CPA3: variants seen among roughly 807,000 people sequenced by gnomAD.
The protein encoded by CPA3 is carboxypeptidase A3.
In CPA3, 52 loss-of-function variants were observed where a neutral mutation model predicts 55.8. That is an observed-to-expected ratio of 0.93 (90% CI 0.75 to 1.17). The LOEUF (loss-of-function observed/expected upper bound fraction) is 1.17, where lower values mean the gene tolerates loss of function less well. Among genes scored for constraint, CPA3 ranks in the 50% most tolerant of loss-of-function variants. The pLI is 0.00. For missense variants in CPA3, 547 were observed against 509.1 expected (o/e 1.07, Z -0.72); for synonymous variants, 179 against 171.2 (o/e 1.05, Z -0.36).
At chr3:148,883,444 T>C (rs1204978480) in intron 8 of CPA3, among the ~76,000 whole-genome samples, 169 bp from the exon 9 acceptor site, 4 of 152,238 alleles carry the variant, frequency 2.6e-5, no homozygotes, top group Non-Finnish European at 1.5e-5. Flanking sequence ...GGCATGTGTG[T>C]GCAATGTTAA....
At chr3:148,879,748 A>C in intron 5 of CPA3, 40 bp from the exon 6 acceptor site, 1 of 1,324,512 alleles carries the variant, frequency 7.5e-7, no homozygotes, top group Non-Finnish European at 1.1e-6. Flanking sequence ...TCAATGTGTG[A>C]GTTTGTTCAA....
chr3:148,877,806 A>C (rs1206988130), intron 3 of CPA3, among the ~76,000 whole-genome samples: 1 of 152,180 alleles, frequency 6.6e-6, no homozygotes, highest in Non-Finnish European at 1.5e-5. Flanking sequence ...TATTATAATT[A>C]TCATTATTAT....
At chr3:148,878,328 G>T (rs1055254794) in intron 3 of CPA3, 113 bp from the exon 4 acceptor site, 2 of 791,308 alleles carry the variant, frequency 2.5e-6, no homozygotes, top group Admixed American at 1.9e-5. Context: ...AAGAAACAGA[G>T]CAAACTTGAT....
intron 2 of CPA3, 133 bp downstream of exon 2, chr3:148,865,681 A>G (rs1238340872): frequency 1.2e-6 from 1 of 805,234 alleles, no homozygotes; most frequent in Non-Finnish European, 1.9e-6. Flanking sequence ...TATCTGGATA[A>G]TTCAGCCAAT....
intron 9 of CPA3, among the ~76,000 whole-genome samples, chr3:148,884,143 G>A (rs1282318312): frequency 1.3e-5 from 2 of 152,032 alleles, no homozygotes; most frequent in African/African-American, 2.4e-5. Context: ...AACCATGCAC[G>A]GAAAAAGCCC....
chr3:148,881,590 T>C lies in CPA3; in HGVS notation c.645T>C (p.Leu215=), dbSNP rs1714369090. 1.2e-6 allele frequency: 2 copies of C among 1,613,022 alleles called. No individual in the cohort carries two copies. Among genetic ancestry groups the C allele is most frequent in the African/African-American group, 2.7e-5 (2 of 74,884 alleles). Residue 215 remains leucine, a synonymous_variant, in exon 7 of 11, where the codon CTT becomes CTC. Transcript: ENST00000296046. ...KLLDRMNFYI[L]PVFNVDGYIW... is the part of the protein sequence containing the mutation. ...TGGACCGAATGAATTTTTACATTCT[T>C]CCTGTGTTCAATGTTGATGGATATA...
chr3:148,896,753 C>A lies in CPA3; in HGVS notation c.*46C>A. The A allele has an allele frequency of 1.4e-6, 2 of 1,381,062 alleles. No individual in the cohort carries two copies. Among genetic ancestry groups the A allele is most frequent in the South Asian group, 1.9e-5 (1 of 52,574 alleles). 85.6% of individuals were successfully genotyped at this position (1,381,062 alleles called of 1,614,324 possible). A position where few individuals can be genotyped will look rare whatever the true frequency, so the allele number is the denominator to read the frequency against. On this transcript the variant is annotated 3_prime_UTR_variant, in exon 11 of 11. Transcript: ENST00000296046. ...ATAAGCCAATTAATCCTTTTTTGTG[C>A]CTTTCATCAGAAAGTCAATCTTCAG...
At chr3:148,870,948 G>T (rs1038227934) in intron 3 of CPA3, among the ~76,000 whole-genome samples, 3 of 152,126 alleles carry the variant, frequency 2.0e-5, no homozygotes, top group Non-Finnish European at 4.4e-5. Flanking sequence ...ACCCAGACTG[G>T]AGTGCAGTGG....
At chr3:148,891,884 T>A (rs1374240109) in intron 10 of CPA3, among the ~76,000 whole-genome samples, 1 of 152,218 alleles carries the variant, frequency 6.6e-6, no homozygotes, top group Non-Finnish European at 1.5e-5. Context: ...TCCTATTTAC[T>A]TTACCTCCTT....
chr3:148,868,974 C>A lies in CPA3; in HGVS notation c.204C>A (p.Phe68Leu), dbSNP rs760123667. The change falls in exon 3 of 11, where the codon TTC becomes TTA. Residue 68 changes from phenylalanine to leucine, a missense_variant. Coordinates refer to ENST00000296046, the MANE Select transcript of CPA3 (RefSeq NM_001870.4). ...TAGCTGCTAATATGATGGTGGATTT[C>A]CGAGTTAGTGAGAAGGAATCCCAAG... ...HHVAANMMVD[F>L]RVSEKESQAI... is the part of the protein sequence containing the mutation. 2 of 1,614,004 alleles carry A rather than the reference C, an allele frequency of 1.2e-6. No individual in the cohort carries two copies. Among genetic ancestry groups the A allele is most frequent in the Non-Finnish European group, 1.7e-6 (2 of 1,179,966 alleles).
At chr3:148,871,164 C>T (rs1714056399) in intron 3 of CPA3, among the ~76,000 whole-genome samples, 1 of 152,152 alleles carries the variant, frequency 6.6e-6, no homozygotes, top group South Asian at 2.1e-4. Flanking sequence ...AGCCACCGCA[C>T]CAGGCCTACT....
chr3:148,891,239 T>G (rs962200731), intron 10 of CPA3, among the ~76,000 whole-genome samples: 3 of 152,188 alleles, frequency 2.0e-5, no homozygotes, highest in Non-Finnish European at 4.4e-5. Context: ...AGCAAGTGAT[T>G]ATTACTGTAT....
At chr3:148,894,998 A>G (rs1714786261) in intron 10 of CPA3, among the ~76,000 whole-genome samples, 1 of 152,102 alleles carries the variant, frequency 6.6e-6, no homozygotes, top group African/African-American at 2.4e-5. Context: ...ATGAAATCCC[A>G]ATGTTTCTTA....
At position 148,883,919 on chromosome 3, in the gene CPA3, C is replaced by T. The variant is rs1320123244; in HGVS notation, c.981+104C>T. On this transcript the variant is annotated intron_variant, in intron 9 of 10. Transcript: ENST00000296046. ...TTGAAAGAATTTCACATTTTAATGTCAAAGAAAAGAACTAATGAAATTTGC... is the reference window on the plus strand; with the variant it reads ...TTGAAAGAATTTCACATTTTAATGTTAAAGAAAAGAACTAATGAAATTTGC... 8.4e-6 allele frequency: 7 copies of T among 836,720 alleles called. No homozygotes were observed. The East Asian group carries it at 1.8e-4, about 21-fold the overall frequency. 51.8% of individuals were successfully genotyped at this position (836,720 alleles called of 1,614,324 possible).
In CPA3 at chr3:148,878,441, A is replaced by C. The variant is rs1714267351; in HGVS notation, c.270A>C (p.Glu90Asp). Residue 90 changes from glutamate to aspartate, a missense_variant and splice_region_variant, in exon 4 of 11, where the codon GAA (glutamate) becomes GAC (aspartate). Physicochemically the swap from Glu to Asp is conservative, Grantham distance 45. Coordinates refer to ENST00000296046, the MANE Select transcript of CPA3 (RefSeq NM_001870.4). ...ATTTTATCATTCCCCTGTCAAACAG[A>C]ATCTTGATTCATGATCTACAAGAAG... ...SALDQNKMHY[E>D]ILIHDLQEEI... 6.3e-7 allele frequency: 1 copy of C among 1,595,552 alleles called. No homozygotes were observed.
chr3:148,867,781 C>G (rs1173110029), intron 2 of CPA3, among the ~76,000 whole-genome samples: 2 of 152,192 alleles, frequency 1.3e-5, no homozygotes, highest in Non-Finnish European at 1.5e-5. Flanking sequence ...GGAAATTGAG[C>G]TTTTCCTTCA....
intron 10 of CPA3, among the ~76,000 whole-genome samples, chr3:148,891,465 G>A (rs75368391): frequency 0.017 from 2,475 of 146,214 alleles, 28 homozygotes; most frequent in Middle Eastern, 0.041. Context: ...AGGTAACAGA[G>A]CAAGACCCTG....
chr3:148,880,305 C>T lies in CPA3; in HGVS notation c.576+416C>T, dbSNP rs554846756. On this transcript the variant is annotated intron_variant, in intron 6 of 10. Transcript: ENST00000296046. ...CTTGGAATTTTAATATTTAAGTTTC[C>T]TTTCTGAGTGAAAAATAACTCACTT... Among the ~76,000 whole-genome samples, 192 of 150,956 alleles carry T rather than the reference C, an allele frequency of 1.3e-3. 1 individual carries two copies. Among genetic ancestry groups the T allele is most frequent in the Middle Eastern group, 3.5e-3 (1 of 284 alleles).
intron 2 of CPA3, among the ~76,000 whole-genome samples, chr3:148,868,486 TGTATCAGGATTTCCAGA>T (rs1379457236): frequency 6.6e-6 from 1 of 152,138 alleles, no homozygotes; most frequent in African/African-American, 2.4e-5. Context: ...TACAATATCT[TGTATCAGGATTTCCAGA>T]GTTTATAGGG....
Sources: allele counts gnomAD v4.1 joint callset (sites outside exome capture counted in the v4.1 genomes callset), GRCh38; gene constraint gnomAD v4.1.1; transcripts MANE v1.5; gene names NCBI Gene and HGNC (gene_info 2026-07-23, HGNC 2026-07-21).